CSMD1: variants seen among roughly 807,000 people sequenced by gnomAD.
CSMD1 encodes CUB and Sushi multiple domains 1, also known as CUB and sushi domain-containing protein 1.
CSMD1 carries 213 observed loss-of-function variants against 417.5 expected under a neutral mutation model. The ratio of observed to expected loss-of-function variants is 0.51; its 90% CI spans 0.46 to 0.57. CSMD1 has a LOEUF of 0.57. CSMD1 is among the 20% of genes least tolerant of loss of function. CSMD1 has a pLI of 0.00. For missense variants in CSMD1, 6,923 were observed against 4,529.7 expected, an observed-to-expected ratio of 1.53 and a Z score of -15.17; for synonymous variants, 2,862 against 1,736.8, an observed-to-expected ratio of 1.65 and a Z score of -16.11.
chr8:2,989,538 G>T (rs571921614), intron 54 of CSMD1, among the ~76,000 whole-genome samples: 88 of 152,184 alleles, frequency 5.8e-4, no homozygotes, highest in African/African-American at 1.8e-3. Context: ...ATTTTTCTAG[G>T]AAAAGGCAAG....
At chr8:3,336,440 T>A (rs966874773) in intron 23 of CSMD1, among the ~76,000 whole-genome samples, 1 of 152,218 alleles carries the variant, frequency 6.6e-6, no homozygotes, top group Non-Finnish European at 1.5e-5. Flanking sequence ...ACTTGGATGT[T>A]TTCAAAAGCC....
intron 10 of CSMD1, among the ~76,000 whole-genome samples, chr8:3,509,189 G>C (rs1402739257): frequency 2.0e-5 from 3 of 152,138 alleles, no homozygotes; most frequent in Non-Finnish European, 4.4e-5. Flanking sequence ...AAAGTGATTG[G>C]TTTCGGAAAT....
At chr8:3,274,541 C>A in intron 26 of CSMD1, among the ~76,000 whole-genome samples, 1 of 152,058 alleles carries the variant, frequency 6.6e-6, no homozygotes, top group East Asian at 1.9e-4. Context: ...TAAAGTCTCC[C>A]ATTATTAATG....
chr8:3,213,516 G>A (rs538413542), intron 30 of CSMD1, among the ~76,000 whole-genome samples: 1 of 152,016 alleles, frequency 6.6e-6, no homozygotes, highest in South Asian at 2.1e-4. Context: ...CTGTAGGTTA[G>A]TTTTGTCTGT....
intron 2 of CSMD1, among the ~76,000 whole-genome samples, chr8:4,496,849 A>T (rs941930768): frequency 3.4e-4 from 51 of 152,130 alleles, no homozygotes; most frequent in African/African-American, 1.1e-3. Flanking sequence ...GAGTTCACAG[A>T]AGGTTTACAA....
chr8:3,458,660 A>G (rs1426875063), intron 12 of CSMD1, among the ~76,000 whole-genome samples: 1 of 152,228 alleles, frequency 6.6e-6, no homozygotes, highest in Non-Finnish European at 1.5e-5. Context: ...CCTAAAGAAA[A>G]CAATAGCAAC....
chr8:4,526,899 T>C (rs538882507), intron 2 of CSMD1, among the ~76,000 whole-genome samples: 4 of 152,182 alleles, frequency 2.6e-5, no homozygotes, highest in Non-Finnish European at 5.9e-5. Context: ...CTATTGTGAA[T>C]GATCAAACAT....
At chr8:3,569,061 A>T (rs972898673) in intron 10 of CSMD1, among the ~76,000 whole-genome samples, 2 of 152,206 alleles carry the variant, frequency 1.3e-5, no homozygotes, top group African/African-American at 4.8e-5. Context: ...ATATTTATAC[A>T]TATCATATAA....
chr8:3,693,917 G>C (rs534118627), intron 7 of CSMD1, among the ~76,000 whole-genome samples: 68 of 151,280 alleles, frequency 4.5e-4, no homozygotes, highest in African/African-American at 1.5e-3. Flanking sequence ...TTGTGTGTGT[G>C]TGTGTTTGTT....
intron 3 of CSMD1, among the ~76,000 whole-genome samples, chr8:4,265,362 T>TTACATAATAATATATAATATATAATGA (rs1415662556): frequency 2.4e-4 from 26 of 108,588 alleles, no homozygotes; most frequent in South Asian, 1.4e-3. Context: ...CTCTGCACAG[T>TTACATAATAATATATAATATATAATGA]ATCATTTGAC....
At chr8:3,551,987 A>G (rs758767112) in intron 10 of CSMD1, among the ~76,000 whole-genome samples, 2 of 152,204 alleles carry the variant, frequency 1.3e-5, no homozygotes, top group Non-Finnish European at 2.9e-5. Context: ...GGGATCTCAC[A>G]GTGGCAGAAA....
rs529442700 is a variant in CSMD1, at chr8:4,062,152, G to C, written c.416-30053C>G. Among the ~76,000 whole-genome samples, 3 of 152,176 alleles carry C rather than the reference G, an allele frequency of 2.0e-5. No homozygotes were observed. The South Asian group carries it at 6.2e-4, about 32-fold the overall frequency. The stretch of plus-strand genomic sequence containing the variant: ...TCAGTGGAGGCTCATGATATGCACT[G>C]ATACCAGAAACACGCAAGACTTGCC... On this transcript the variant is annotated intron_variant, in intron 3 of 69. Coordinates refer to ENST00000635120, the MANE Select transcript of CSMD1 (RefSeq NM_033225.6).
intron 3 of CSMD1, among the ~76,000 whole-genome samples, chr8:4,084,081 G>C (rs1800291900): frequency 2.0e-5 from 3 of 152,082 alleles, no homozygotes; most frequent in Admixed American, 2.0e-4. Flanking sequence ...CATGAAAATG[G>C]CTAGTAATAT....
rs552301613 is a variant in CSMD1, at chr8:3,318,998, C to T, written c.3632-10495G>A. Among the ~76,000 whole-genome samples, 7 of 152,258 alleles carry T rather than the reference C, an allele frequency of 4.6e-5. 1 individual carries two copies. In the Middle Eastern group the frequency reaches 0.01, roughly 222 times the overall value. On this transcript the variant is annotated intron_variant, in intron 23 of 69. Coordinates refer to ENST00000635120, the MANE Select transcript of CSMD1 (RefSeq NM_033225.6). The stretch of plus-strand genomic sequence containing the variant: ...TACAAAGGGAGACCCAGAAACACAA[C>T]AACACAGATTCAGCCATTCCTATGG...
At chr8:3,691,034 T>C (rs1585081949) in intron 7 of CSMD1, among the ~76,000 whole-genome samples, 2 of 152,076 alleles carry the variant, frequency 1.3e-5, no homozygotes, top group Non-Finnish European at 2.9e-5. Flanking sequence ...CTAAAGTATC[T>C]TTTTCTCTCT....
chr8:2,966,065 G>C lies in CSMD1; in HGVS notation c.9101-111C>G, dbSNP rs1217398805. 2.1e-5 allele frequency: 20 copies of C among 939,114 alleles called. 1 individual carries two copies. Among genetic ancestry groups the C allele is most frequent in the Non-Finnish European group, 3.3e-5 (20 of 610,860 alleles). The allele number at this position is 939,114 out of a possible 1,614,324, so 58.2% of individuals were successfully genotyped here. On this transcript the variant is annotated intron_variant, in intron 58 of 69. Coordinates refer to ENST00000635120, the MANE Select transcript of CSMD1 (RefSeq NM_033225.6). ...CTGAGTTGCTATTCACAGTGGTTAAGCAGTGAATTAATACAGCAATACTAC... is the reference window on the plus strand; with the variant it reads ...CTGAGTTGCTATTCACAGTGGTTAACCAGTGAATTAATACAGCAATACTAC...
At chr8:4,398,946 A>G (rs1296076282) in intron 3 of CSMD1, among the ~76,000 whole-genome samples, 1 of 152,196 alleles carries the variant, frequency 6.6e-6, no homozygotes, top group Non-Finnish European at 1.5e-5. Context: ...TATATTCTTG[A>G]GAATGTTTTT....
rs186876479 is a variant in CSMD1, at chr8:3,340,133, A to G, written c.3631+3161T>C. Among the ~76,000 whole-genome samples, 5 of 152,298 alleles carry G rather than the reference A, an allele frequency of 3.3e-5. No homozygotes were observed. The East Asian group carries it at 7.7e-4, about 24-fold the overall frequency. ...TGAGGATCACCGAAAATCGTTGAAAATAAGTTCATCAGCAATTCTGGTATT... is the reference window on the plus strand; with the variant it reads ...TGAGGATCACCGAAAATCGTTGAAAGTAAGTTCATCAGCAATTCTGGTATT... On this transcript the variant is annotated intron_variant, in intron 23 of 69. Transcript: ENST00000635120.
chr8:4,222,981 G>A (rs747175346), intron 3 of CSMD1, among the ~76,000 whole-genome samples: 1 of 152,122 alleles, frequency 6.6e-6, no homozygotes, highest in African/African-American at 2.4e-5. Flanking sequence ...TTGAGAAGCT[G>A]AAGTTAGATT....
Sources: allele counts gnomAD v4.1 joint callset (sites outside exome capture counted in the v4.1 genomes callset), GRCh38; gene constraint gnomAD v4.1.1; transcripts MANE v1.5; gene names NCBI Gene and HGNC (gene_info 2026-07-23, HGNC 2026-07-21).